Variants in UBAP2 observed in about 807,000 individuals in gnomAD.
The protein encoded by UBAP2 is ubiquitin associated protein 2.
UBAP2 carries 75 observed loss-of-function variants against 139.6 expected under a neutral mutation model. That is an observed-to-expected ratio of 0.54 (90% CI 0.45 to 0.65). UBAP2 has a LOEUF of 0.65. Ranked by LOEUF, UBAP2 falls within the 30% of genes least tolerant of loss-of-function variation. The pLI is 0.00. For synonymous variants in UBAP2, 526 were observed against 526.2 expected (o/e 1.00, Z 0.01); for missense variants, 1,368 against 1,369.6 (o/e 1.00, Z 0.02).
chr9:33,967,374 C>A (rs1827550327), intron 8 of UBAP2, among the ~76,000 whole-genome samples: 1 of 152,122 alleles, frequency 6.6e-6, no homozygotes, highest in Non-Finnish European at 1.5e-5. Context: ...AAGCAGTGAC[C>A]GCATGTGTTT....
chr9:33,981,196 TA>T (rs1207056637), intron 6 of UBAP2, among the ~76,000 whole-genome samples: 4 of 47,366 alleles, frequency 8.4e-5, no homozygotes, highest in Non-Finnish European at 1.3e-4. Context: ...TATATATATA[TA>T]TATTCTGGAT....
chr9:33,960,947 C>T, intron 9 of UBAP2, 69 bp from the exon 10 acceptor site: 1 of 1,494,310 alleles, frequency 6.7e-7, no homozygotes, highest in Admixed American at 1.7e-5. Flanking sequence ...CAAATGATTC[C>T]TTTTTGTGTA....
chr9:34,011,794 C>G (rs1412370748), intron 2 of UBAP2: 1 of 291,168 alleles, frequency 3.4e-6, no homozygotes, highest in African/African-American at 2.3e-5. Context: ...AATATCTTGC[C>G]AAGAAAAGTA....
intron 1 of UBAP2, among the ~76,000 whole-genome samples, chr9:34,033,739 C>CT (rs761219914): frequency 1.8e-3 from 254 of 139,972 alleles, no homozygotes; most frequent in African/African-American, 3.2e-3. Context: ...CAAATCAATT[C>CT]TTTTTTTTTT....
chr9:33,971,344 A>G (rs1827901635), intron 8 of UBAP2, among the ~76,000 whole-genome samples: 1 of 152,208 alleles, frequency 6.6e-6, no homozygotes, highest in Non-Finnish European at 1.5e-5. Flanking sequence ...TCTTCTCCTC[A>G]GAAATTCTAT....
At chr9:33,923,505 A>G in intron 24 of UBAP2, 27 bp from the exon 25 acceptor site, 1 of 1,610,206 alleles carries the variant, frequency 6.2e-7, no homozygotes, top group Middle Eastern at 1.7e-4. Context: ...ATGAGGTATT[A>G]GTGTAGGAAG....
Position 33,963,758 on chromosome 9 carries a change from T to C in UBAP2, c.713A>G (p.Asp238Gly). 1 of 1,612,812 alleles carries C rather than the reference T, an allele frequency of 6.2e-7. No homozygotes were observed. ...TCCATAAGAACTTTTGTTTGACAGA[T>C]CCTGAGCTATGTTGTGAGTATTTGA... ...LASNTHNIAQDLSNKSSYGLK... is the reference protein window; with the variant it reads ...LASNTHNIAQGLSNKSSYGLK... Residue 238 changes from aspartate (D) to glycine (G), a missense_variant, in exon 9 of 29, where the codon GAT (aspartate) becomes GGT (glycine). Physicochemically the swap from Asp to Gly is moderately conservative, Grantham distance 94. Coordinates refer to ENST00000379238, the MANE Select transcript of UBAP2 (RefSeq NM_001370062.2).
chr9:34,029,901 T>A (rs1422049115), intron 1 of UBAP2, among the ~76,000 whole-genome samples: 1 of 149,780 alleles, frequency 6.7e-6, no homozygotes, highest in Non-Finnish European at 1.5e-5. Flanking sequence ...GCAAGAGAAC[T>A]GCTTGAACCC....
rs1375369081 is a variant in UBAP2 at position 33,986,816 on chromosome 9, A to G, written c.464T>C (p.Ile155Thr). ...AGGTTTGTCCACTTGATTGCAATCA[A>G]TTCCATTTTCTTCACCTCTAACTAG... is the stretch of plus-strand genomic sequence containing the variant. ...GREFRGEENG[I>T]DCNQVDKPSD... Residue 155 changes from isoleucine to threonine, a missense_variant, in exon 6 of 29, where the codon ATT becomes ACT. By Grantham distance (89) the Ile-to-Thr change is moderately conservative. Coordinates refer to ENST00000379238, the MANE Select transcript of UBAP2 (RefSeq NM_001370062.2). 6.2e-7 allele frequency: 1 copy of G among 1,614,136 alleles called. No individual in the cohort carries two copies. The highest frequency in any genetic ancestry group is 1.1e-5 in the South Asian group (1 of 91,090).
chr9:34,040,012 C>A (rs1363340157), intron 1 of UBAP2, among the ~76,000 whole-genome samples: 2 of 151,826 alleles, frequency 1.3e-5, no homozygotes, highest in Admixed American at 6.6e-5. Flanking sequence ...ACAAAATTAG[C>A]CGGGGGCATG....
intron 2 of UBAP2, among the ~76,000 whole-genome samples, chr9:34,010,783 A>G (rs994163145): frequency 1.3e-5 from 2 of 152,136 alleles, no homozygotes; most frequent in African/African-American, 4.8e-5. Context: ...AAAAAGTAAA[A>G]TTATGGATTA....
At chr9:33,957,155 C>G (rs1395319162) in intron 10 of UBAP2, among the ~76,000 whole-genome samples, 1 of 151,938 alleles carries the variant, frequency 6.6e-6, no homozygotes, top group African/African-American at 2.4e-5. Flanking sequence ...TTTCTCCCCC[C>G]AAAGACAGAT....
intron 8 of UBAP2, among the ~76,000 whole-genome samples, chr9:33,966,699 T>C (rs1012499137): frequency 5.3e-5 from 8 of 152,126 alleles, no homozygotes; most frequent in Non-Finnish European, 1.0e-4. Context: ...CTATTTCTTG[T>C]TTTTTTGGTA....
chr9:34,043,894 G>A (rs1267465955), intron 1 of UBAP2, among the ~76,000 whole-genome samples: 11 of 151,204 alleles, frequency 7.3e-5, no homozygotes, highest in South Asian at 2.1e-4. Context: ...TTGGGAGGCC[G>A]AAGCAGGTGG....
chr9:33,979,080 T>A (rs1039440899), intron 6 of UBAP2, among the ~76,000 whole-genome samples: 4 of 151,986 alleles, frequency 2.6e-5, no homozygotes, highest in Non-Finnish European at 5.9e-5. Context: ...ACAATGCTTT[T>A]GAAAATTAGC....
At chr9:33,996,495 G>A in intron 3 of UBAP2, 162 bp from the exon 4 acceptor site, 1 of 560,672 alleles carries the variant, frequency 1.8e-6, no homozygotes, top group Non-Finnish European at 3.1e-6. Flanking sequence ...ATTTTTTTGT[G>A]GCCATTCCAT....
chr9:34,035,944 G>A (rs1826329000), intron 1 of UBAP2, among the ~76,000 whole-genome samples: 1 of 151,562 alleles, frequency 6.6e-6, no homozygotes, highest in Admixed American at 6.6e-5. Context: ...GTAGGTTAAG[G>A]CTGCAGTGAG....
chr9:34,038,295 A>C (rs1035299730), intron 1 of UBAP2, among the ~76,000 whole-genome samples: 1 of 152,108 alleles, frequency 6.6e-6, no homozygotes, highest in African/African-American at 2.4e-5. Context: ...TTAAAAATAC[A>C]AGCCTCCCCT....
chr9:34,005,498 C>T (rs1168789908), intron 2 of UBAP2, among the ~76,000 whole-genome samples: 1 of 148,202 alleles, frequency 6.7e-6, no homozygotes, highest in Non-Finnish European at 1.5e-5. Context: ...TTTTCTATTT[C>T]TTCTTTAAAT....
Sources: gnomAD v4.1 joint callset for allele counts (sites outside exome capture counted in the v4.1 genomes callset) on GRCh38, gnomAD v4.1.1 for gene constraint, MANE v1.5 for transcripts, NCBI Gene and HGNC (gene_info 2026-07-23, HGNC 2026-07-21) for gene names.